Variants in OMD observed in about 807,000 individuals in gnomAD.
OMD encodes the protein osteomodulin, also known as KSPG osteomodulin.
Under a neutral mutation model 31.2 loss-of-function variants are expected in OMD, and 19 were observed. That is an observed-to-expected ratio of 0.61 (90% CI 0.42 to 0.89). The LOEUF is 0.89. Among genes scored for constraint, OMD ranks in the 40% least tolerant of loss-of-function variants. OMD has a pLI of 0.00. For synonymous variants in OMD, 155 were observed against 166.4 expected (o/e 0.93, Z 0.53); for missense variants, 448 against 490.8 (o/e 0.91, Z 0.82).
At position 92,417,005 on chromosome 9, in the gene OMD, A is replaced by T. The variant is rs777817632; in HGVS notation, c.554T>A (p.Leu185Gln). 2.0e-5 allele frequency: 32 copies of T among 1,613,886 alleles called. No homozygotes were observed. Among genetic ancestry groups the T allele is most frequent in the Non-Finnish European group, 2.5e-5 (29 of 1,179,918 alleles). Residue 185 changes from leucine to glutamine, a missense_variant, in exon 2 of 3, where the codon CTA becomes CAA. Physicochemically the swap from Leu to Gln is moderately radical, Grantham distance 113 (BLOSUM62 -2). Transcript: ENST00000375550. The part of the protein sequence containing the change: ...SKLQTNAMDG[L>Q]VNLTMLDLCY... Reference sequence around the variant, plus strand: ...GAGATCAAGCATGGTCAAGTTTACTAGCCCATCCATAGCATTTGTCTGCAG... The same window carrying T: ...GAGATCAAGCATGGTCAAGTTTACTTGCCCATCCATAGCATTTGTCTGCAG...
rs752904004 is a variant in OMD, at chr9:92,414,966, A to G, written c.*186T>C. ...CTAATTTATATTTTTAAAGATTTAC[A>G]TTATTTTGAGTAAGTTCTAATCCTA... On this transcript the variant is annotated 3_prime_UTR_variant, in exon 3 of 3. Coordinates refer to ENST00000375550, the MANE Select transcript of OMD (RefSeq NM_005014.3). 505 of 401,390 alleles carry G rather than the reference A, an allele frequency of 1.3e-3. 4 individuals carry two copies. The highest frequency in any genetic ancestry group is 6.9e-4 in the Admixed American group (16 of 23,058). The allele number at this position is 401,390 out of a possible 1,614,324, so 24.9% of individuals were successfully genotyped here. A position where few individuals can be genotyped will look rare whatever the true frequency, so the allele number is the denominator to read the frequency against.
intron 1 of OMD, among the ~76,000 whole-genome samples, chr9:92,420,616 A>T (rs1843761085): frequency 6.6e-6 from 1 of 151,954 alleles, no homozygotes; most frequent in Non-Finnish European, 1.5e-5. Flanking sequence ...CTTATTCCCC[A>T]TTATTGTTTT....
Position 92,416,780 on chromosome 9 carries a change from T to C in OMD, c.779A>G (p.His260Arg), listed in dbSNP as rs1380540500. Residue 260 changes from histidine (H) to arginine (R), a missense_variant, in exon 2 of 3, where the codon CAT becomes CGT. His to Arg is a conservative substitution (Grantham distance 29). Coordinates refer to ENST00000375550, the MANE Select transcript of OMD (RefSeq NM_005014.3). ...EKYFDKLPKL[H>R]TLRMSHNKLQ... The stretch of plus-strand genomic sequence containing the variant: ...TTTGTTGTGTGACATTCTTAGAGTA[T>C]GAAGTTTTGGAAGTTTGTCGAAGTA... 1.9e-6 allele frequency: 3 copies of C among 1,613,808 alleles called. No homozygotes were observed. The highest frequency in any genetic ancestry group is 2.5e-6 in the Non-Finnish European group (3 of 1,179,862).
chr9:92,416,851 C>T lies in OMD; in HGVS notation c.708G>A (p.Met236Ile). The T allele has an allele frequency of 6.2e-7, 1 of 1,613,838 alleles. No individual in the cohort carries two copies. Among genetic ancestry groups the T allele is most frequent in the Non-Finnish European group, 8.5e-7 (1 of 1,179,834 alleles). Residue 236 changes from methionine (M) to isoleucine (I), a missense_variant, in exon 2 of 3, where the codon ATG (methionine) becomes ATA (isoleucine). By Grantham distance (10) the Met-to-Ile change is conservative. Coordinates refer to ENST00000375550, the MANE Select transcript of OMD (RefSeq NM_005014.3). ...SMPPGLPSSL[M>I]YLSLENNSIS... ...TTGAATTATTTTCTAAAGACAGATACATAAGTGAAGAAGGCAAACCAGGAG... is the reference window on the plus strand; with the variant it reads ...TTGAATTATTTTCTAAAGACAGATATATAAGTGAAGAAGGCAAACCAGGAG...
At position 92,423,567 on chromosome 9, in the gene OMD, A is replaced by T. The variant is rs1054014173; in HGVS notation, c.-17+635T>A. Among the ~76,000 whole-genome samples, 40 of 152,082 alleles carry T rather than the reference A, an allele frequency of 2.6e-4. 1 individual carries two copies. Among genetic ancestry groups the T allele is most frequent in the African/African-American group, 4.8e-5 (2 of 41,426 alleles). ...AAGTTCTAAATTTTAATTTTATAAA[A>T]TTTTTTTGCTATTAAAAATACAATT... On this transcript the variant is annotated intron_variant, in intron 1 of 2. Transcript: ENST00000375550.
chr9:92,417,703 G>A (rs1332759922), intron 1 of OMD, 129 bp from the exon 2 acceptor site: 7 of 598,176 alleles, frequency 1.2e-5, no homozygotes, highest in Non-Finnish European at 1.9e-5. Flanking sequence ...CAGAAAGAAT[G>A]GGCAGTGCTC....
Position 92,415,465 on chromosome 9 carries a change from G to C in OMD, c.953C>G (p.Thr318Arg). The change falls in exon 3 of 3, where the codon ACA becomes AGA. Residue 318 changes from threonine to arginine, a missense_variant. By Grantham distance (71) the Thr-to-Arg change is moderately conservative (BLOSUM62 -1). Transcript: ENST00000375550. Reference protein sequence around the residue: ...QNNEIEKMNLTVMCPSIDPLH... With the variant: ...QNNEIEKMNLRVMCPSIDPLH... ...TGGGTCAATAGAAGGACACATCACT[G>C]TAAGATTCATCTCTGAAAGAAATAA... 6.3e-7 allele frequency: 1 copy of C among 1,581,898 alleles called. No homozygotes were observed. The highest frequency in any genetic ancestry group is 1.8e-5 in the Admixed American group (1 of 54,766).
At chr9:92,418,942 G>A (rs989929651) in intron 1 of OMD, among the ~76,000 whole-genome samples, 3 of 151,974 alleles carry the variant, frequency 2.0e-5, no homozygotes, top group African/African-American at 7.3e-5. Flanking sequence ...TTTCTTCCTA[G>A]CTTCCTTTTT....
intron 1 of OMD, among the ~76,000 whole-genome samples, chr9:92,421,263 C>A (rs938269481): frequency 7.2e-5 from 11 of 152,264 alleles, no homozygotes; most frequent in Admixed American, 5.9e-4. Flanking sequence ...TGGTCATGAA[C>A]TTCTGGGCTC....
At position 92,416,597 on chromosome 9, in the gene OMD, AAC is replaced by A. The variant is rs747272962; in HGVS notation, c.940+20_940+21del. On this transcript the variant is annotated intron_variant, in intron 2 of 2. Transcript: ENST00000375550. Reference sequence around the variant, plus strand: ...AGGATTCCATTCTTTCTCTCTTCAAAACACAATAAAAGTCTACATACTTTCTA... The same window carrying A: ...AGGATTCCATTCTTTCTCTCTTCAAAACAATAAAAGTCTACATACTTTCTA... The A allele has an allele frequency of 2.9e-6, 4 of 1,381,210 alleles. No homozygotes were observed. In the South Asian group the frequency reaches 5.7e-5, roughly 20 times the overall value. 85.6% of individuals were successfully genotyped at this position (1,381,210 alleles called of 1,614,324 possible).
chr9:92,423,627 C>T (rs972205767), intron 1 of OMD, among the ~76,000 whole-genome samples: 10 of 151,848 alleles, frequency 6.6e-5, no homozygotes, highest in South Asian at 6.2e-4. Flanking sequence ...ACATTTAAAT[C>T]GTAATTAACT....
At position 92,416,820 on chromosome 9, in the gene OMD, A is replaced by G. The variant is rs759038191; in HGVS notation, c.739T>C (p.Ser247Pro). The part of the protein sequence containing the change: ...YLSLENNSIS[S>P]IPEKYFDKLP... ...TTGTCGAAGTATTTTTCGGGTATAG[A>G]AGAAATTGAATTATTTTCTAAAGAC... Residue 247 changes from serine to proline, a missense_variant, in exon 2 of 3, where the codon TCT becomes CCT. Physicochemically the swap from Ser to Pro is moderately conservative, Grantham distance 74. Transcript: ENST00000375550. The G allele has an allele frequency of 6.2e-7, 1 of 1,613,862 alleles. No homozygotes were observed. Among genetic ancestry groups the G allele is most frequent in the South Asian group, 1.1e-5 (1 of 91,076 alleles).
In OMD at chr9:92,417,370, GAC is replaced by G; in HGVS notation, c.187_188del (p.Val63GlnfsTer2). 1 of 1,614,066 alleles carries G rather than the reference GAC, an allele frequency of 6.2e-7. No homozygotes were observed. The highest frequency in any genetic ancestry group is 2.2e-5 in the East Asian group (1 of 44,860). On this transcript the variant is annotated frameshift_variant, in exon 2 of 3. Transcript: ENST00000375550. LOFTEE classifies it high-confidence loss of function. ...VPFHQYTLGCVSECFCPTNFP... is the reference protein window; with the variant it reads ...VPFHQYTLGCXSECFCPTNFP... Reference sequence around the variant, plus strand: ...AGTTAGTTGGACAGAAGCATTCACTGACACAGCCTAAAGTATACTGATGAAAA... The same window carrying G: ...AGTTAGTTGGACAGAAGCATTCACTGACAGCCTAAAGTATACTGATGAAAA...
chr9:92,417,482 T>C lies in OMD; in HGVS notation c.77A>G (p.Gln26Arg). 1 of 1,613,796 alleles carries C rather than the reference T, an allele frequency of 6.2e-7. No homozygotes were observed. The highest frequency in any genetic ancestry group is 2.2e-5 in the East Asian group (1 of 44,826). The part of the protein sequence containing the change: ...VKVHCQYETY[Q>R]WDEDYDQEPD... ...CTCTTGGTCATAGTCTTCATCCCACTGATAAGTTTCATATTGGCAATGTAC... is the reference window on the plus strand; with the variant it reads ...CTCTTGGTCATAGTCTTCATCCCACCGATAAGTTTCATATTGGCAATGTAC... The change falls in exon 2 of 3, where the codon CAG (glutamine) becomes CGG (arginine). Residue 26 changes from glutamine (Q) to arginine (R), a missense_variant. Coordinates refer to ENST00000375550, the MANE Select transcript of OMD (RefSeq NM_005014.3).
chr9:92,417,682 A>AT, intron 1 of OMD, 108 bp from the exon 2 acceptor site: 1 of 657,200 alleles, frequency 1.5e-6, no homozygotes, highest in Non-Finnish European at 2.4e-6. Flanking sequence ...GTCTATATAT[A>AT]AAAGAATATC....
intron 1 of OMD, among the ~76,000 whole-genome samples, chr9:92,419,157 A>T (rs2761678): frequency 0.1 from 15,742 of 152,070 alleles, 875 homozygotes; most frequent in Middle Eastern, 0.15. Flanking sequence ...GGAAGGGTCA[A>T]TTATGTCCCA....
intron 1 of OMD, 32 bp from the exon 2 acceptor site, chr9:92,417,606 G>C (rs1488769996): frequency 8.6e-7 from 1 of 1,160,304 alleles, no homozygotes; most frequent in African/African-American, 1.6e-5. Flanking sequence ...ACATTGTGGA[G>C]AAAGTGAGTA....
Position 92,415,455 on chromosome 9 carries a change from A to G in OMD, c.963T>C (p.Cys321=), listed in dbSNP as rs562364258. The change falls in exon 3 of 3, where the codon TGT becomes TGC. Residue 321 remains cysteine (C), a synonymous_variant. Transcript: ENST00000375550. ...EIEKMNLTVM[C]PSIDPLHYHH... ...GGTAATGTAGTGGGTCAATAGAAGGACACATCACTGTAAGATTCATCTCTG... is the reference window on the plus strand; with the variant it reads ...GGTAATGTAGTGGGTCAATAGAAGGGCACATCACTGTAAGATTCATCTCTG... 2 of 1,606,946 alleles carry G rather than the reference A, an allele frequency of 1.2e-6. No homozygotes were observed. The highest frequency in any genetic ancestry group is 2.2e-5 in the East Asian group (1 of 44,772).
chr9:92,415,634 TA>T (rs1205606949), intron 2 of OMD, among the ~76,000 whole-genome samples, 157 bp from the exon 3 acceptor site: 1 of 150,752 alleles, frequency 6.6e-6, no homozygotes, highest in African/African-American at 2.4e-5. Context: ...AATCAAATAA[TA>T]AAAAGAAAAT....
Sources: gnomAD v4.1 joint callset for allele counts (sites outside exome capture counted in the v4.1 genomes callset) on GRCh38, gnomAD v4.1.1 for gene constraint, MANE v1.5 for transcripts, NCBI Gene and HGNC (gene_info 2026-07-23, HGNC 2026-07-21) for gene names.